Variants in SLC36A4 observed in about 807,000 individuals in gnomAD.
The protein encoded by SLC36A4 is solute carrier family 36 member 4.
SLC36A4 carries 49 observed loss-of-function variants against 50.5 expected under a neutral mutation model. The observed-to-expected ratio is 0.97, with a 90% CI of 0.77 to 1.23. SLC36A4 has a LOEUF of 1.23. Among genes scored for constraint, SLC36A4 ranks in the 50% most tolerant of loss-of-function variants. The pLI, the probability that SLC36A4 is intolerant of heterozygous loss-of-function variation, is 0.00. For missense variants in SLC36A4, 611 were observed against 608.4 expected, an observed-to-expected ratio of 1.00 and a Z score of -0.05; for synonymous variants, 207 against 206.5, an observed-to-expected ratio of 1.00 and a Z score of -0.02.
At chr11:93,192,644 T>A (rs1862261030) in intron 1 of SLC36A4, among the ~76,000 whole-genome samples, 1 of 152,172 alleles carries the variant, frequency 6.6e-6, no homozygotes, top group Admixed American at 6.5e-5. Flanking sequence ...CAGTAAAAAA[T>A]TAAGATATTT....
intron 8 of SLC36A4, among the ~76,000 whole-genome samples, chr11:93,165,500 T>C (rs906596835): frequency 2.6e-5 from 4 of 152,196 alleles, no homozygotes; most frequent in Non-Finnish European, 4.4e-5. Flanking sequence ...GATAATCTCA[T>C]CTATAAAATA....
Position 93,162,730 on chromosome 11 carries a change from G to T in SLC36A4, c.1013C>A (p.Thr338Asn). ...CFHDEIKGSI[T>N]LNLPQDVWLY... ...CCATACATCTTGGGGAAGATTTAAA[G>T]TTATGCTGCCTTTGATTTCATCATG... Residue 338 changes from threonine to asparagine, a missense_variant, in exon 9 of 11, where the codon ACT becomes AAT. Coordinates refer to ENST00000326402, the MANE Select transcript of SLC36A4 (RefSeq NM_152313.4). The T allele has an allele frequency of 6.2e-7, 1 of 1,611,358 alleles. No individual in the cohort carries two copies.
At position 93,197,928 on chromosome 11, in the gene SLC36A4, G is replaced by C. The variant is rs1459141178; in HGVS notation, c.-96C>G. On this transcript the variant is annotated 5_prime_UTR_variant, in exon 1 of 11. Transcript: ENST00000326402. ...CCAGGCCTACCTCCCCTGCCCGGAG[G>C]GACCCGCGCCTGGTGCCCGCCTCCC... 3.1e-6 allele frequency: 4 copies of C among 1,276,404 alleles called. No homozygotes were observed. Among genetic ancestry groups the C allele is most frequent in the Non-Finnish European group, 4.1e-6 (4 of 978,692 alleles). The allele number at this position is 1,276,404 out of a possible 1,614,324, so 79.1% of individuals were successfully genotyped here.
intron 1 of SLC36A4, 53 bp downstream of exon 1, chr11:93,197,725 C>T: frequency 6.4e-7 from 1 of 1,558,100 alleles, no homozygotes; most frequent in Non-Finnish European, 8.6e-7. Flanking sequence ...CCGACTCCCG[C>T]ACAGACCCCC....
At chr11:93,191,856 C>T (rs560730248) in intron 1 of SLC36A4, among the ~76,000 whole-genome samples, 4 of 148,610 alleles carry the variant, frequency 2.7e-5, no homozygotes, top group African/African-American at 9.9e-5. Flanking sequence ...TCTCAAAAAC[C>T]CCTATTAATA....
chr11:93,176,533 C>A (rs1861480630), intron 6 of SLC36A4, among the ~76,000 whole-genome samples: 1 of 151,600 alleles, frequency 6.6e-6, no homozygotes, highest in South Asian at 2.1e-4. Flanking sequence ...GATGCAGTTT[C>A]TTCCTAGTCT....
chr11:93,160,056 T>C (rs1367300710), intron 9 of SLC36A4: 7 of 985,262 alleles, frequency 7.1e-6, no homozygotes, highest in South Asian at 4.7e-5. Flanking sequence ...GACTCGTATA[T>C]AGTATATTAA....
intron 10 of SLC36A4, among the ~76,000 whole-genome samples, chr11:93,151,595 A>G (rs2134626674): frequency 6.6e-6 from 1 of 152,238 alleles, no homozygotes; most frequent in East Asian, 1.9e-4. Context: ...GTACTTTTCT[A>G]GTCTGCAGAG....
chr11:93,147,598 T>A lies in SLC36A4; in HGVS notation c.*939A>T, dbSNP rs944746481. ...TGTAGGCTTCTTGGAGTTCCCTGAT[T>A]TTCTGCTCAGGTCACATATACTATT... On this transcript the variant is annotated 3_prime_UTR_variant, in exon 11 of 11. Transcript: ENST00000326402. 2.0e-5 allele frequency: 3 copies of A among 152,112 alleles called. No homozygotes were observed. The highest frequency in any genetic ancestry group is 3.9e-4 in the East Asian group (2 of 5,174). The allele number at this position is 152,112 out of a possible 1,614,324, so 9.4% of individuals were successfully genotyped here.
rs936553752 is a variant in SLC36A4 at position 93,182,788 on chromosome 11, T to C, written c.359+18A>G. ...AAGATAGCTTTAAAATAAATAGGCT[T>C]AACAAATCCACATTTACCTCAGACA... is the stretch of plus-strand genomic sequence containing the variant. On this transcript the variant is annotated intron_variant, in intron 4 of 10. Coordinates refer to ENST00000326402, the MANE Select transcript of SLC36A4 (RefSeq NM_152313.4). 4 of 1,569,158 alleles carry C rather than the reference T, an allele frequency of 2.5e-6. No individual in the cohort carries two copies. Among genetic ancestry groups the C allele is most frequent in the Non-Finnish European group, 3.5e-6 (4 of 1,143,954 alleles).
chr11:93,162,897 T>G (rs531477105), intron 8 of SLC36A4, 22 bp from the exon 9 acceptor site: 3 of 1,601,906 alleles, frequency 1.9e-6, no homozygotes, highest in Non-Finnish European at 1.7e-6. Flanking sequence ...ATACAATACT[T>G]TTTTTTAAGG....
rs1178312274 is a variant in SLC36A4, at chr11:93,144,788, A to T, written c.*3749T>A. Reference sequence around the variant, plus strand: ...GTTAGGAAGTACAACTACACTTTTCAGATCCAAGTTTCTCAAATTTTCTTA... The same window carrying T: ...GTTAGGAAGTACAACTACACTTTTCTGATCCAAGTTTCTCAAATTTTCTTA... On this transcript the variant is annotated 3_prime_UTR_variant, in exon 11 of 11. Transcript: ENST00000326402. The T allele has an allele frequency of 6.6e-6, 1 of 152,058 alleles. No homozygotes were observed. The highest frequency in any genetic ancestry group is 1.5e-5 in the Non-Finnish European group (1 of 67,964). The allele number at this position is 152,058 out of a possible 1,614,324, so 9.4% of individuals were successfully genotyped here.
intron 6 of SLC36A4, among the ~76,000 whole-genome samples, chr11:93,169,197 TACA>T (rs999024390): frequency 3.9e-5 from 6 of 152,134 alleles, no homozygotes; most frequent in Admixed American, 3.3e-4. Flanking sequence ...ATGCTTTATA[TACA>T]ACATCTCACT....
rs1173953188 is a variant in SLC36A4 at position 93,148,645 on chromosome 11, A to G, written c.1407T>C (p.Tyr469=). The change falls in exon 11 of 11, where the codon TAT becomes TAC. Residue 469 remains tyrosine, a synonymous_variant. Transcript: ENST00000326402. ...GATAAATAATTTCTTCAACAGTTATATATGTACCTAATAAGAAGCCAACAA... is the reference window on the plus strand; with the variant it reads ...GATAAATAATTTCTTCAACAGTTATGTATGTACCTAATAAGAAGCCAACAA... ...TGVVGFLLGT[Y]ITVEEIIYPT... 1.2e-6 allele frequency: 2 copies of G among 1,612,752 alleles called. No homozygotes were observed. The highest frequency in any genetic ancestry group is 1.7e-5 in the Admixed American group (1 of 59,840).
intron 6 of SLC36A4, among the ~76,000 whole-genome samples, chr11:93,176,372 A>T (rs1223420489): frequency 1.3e-5 from 2 of 152,150 alleles, no homozygotes; most frequent in Non-Finnish European, 2.9e-5. Flanking sequence ...TCCTGAATAC[A>T]GCACACTGAT....
rs146533537 is a variant in SLC36A4, at chr11:93,162,843, T to A, written c.900A>T (p.Ser300=). ...VLPLENQMKE[S]KRFPQALNIG... The stretch of plus-strand genomic sequence containing the variant: ...TATTCAACGCTTGAGGGAAACGCTT[T>A]GATTCTTTCATTTGGTTTTCCAGTG... The change falls in exon 9 of 11, where the codon TCA becomes TCT. Residue 300 remains serine, a synonymous_variant. Coordinates refer to ENST00000326402, the MANE Select transcript of SLC36A4 (RefSeq NM_152313.4). The A allele has an allele frequency of 3.0e-5, 48 of 1,613,142 alleles. 1 individual carries two copies. The South Asian group carries it at 4.9e-4, about 17-fold the overall frequency.
intron 9 of SLC36A4, chr11:93,159,988 G>A: frequency 1.0e-6 from 1 of 985,384 alleles, no homozygotes; most frequent in Non-Finnish European, 1.2e-6. Flanking sequence ...AGAGTACACT[G>A]CACAATCTCT....
intron 1 of SLC36A4, among the ~76,000 whole-genome samples, chr11:93,191,471 CCTTTCCTATGG>C (rs1319936892): frequency 6.6e-6 from 1 of 152,120 alleles, no homozygotes. Flanking sequence ...GAATCGCGTC[CCTTTCCTATGG>C]AAGGTTTCTG....
chr11:93,152,558 A>T (rs1860143780), intron 10 of SLC36A4: 1 of 152,134 alleles, frequency 6.6e-6, no homozygotes, highest in African/African-American at 2.4e-5. Context: ...AGCAGCCAAG[A>T]AAAGGCTGCA....
Sources: gnomAD v4.1 joint callset for allele counts (sites outside exome capture counted in the v4.1 genomes callset) on GRCh38, gnomAD v4.1.1 for gene constraint, MANE v1.5 for transcripts, NCBI Gene and HGNC (gene_info 2026-07-23, HGNC 2026-07-21) for gene names.